PCDHGA10: variants seen among roughly 807,000 people sequenced by gnomAD.
PCDHGA10 encodes protocadherin gamma-A10.
In PCDHGA10, 42 loss-of-function variants were observed where a neutral mutation model predicts 59.5. That is an observed-to-expected ratio of 0.71 (90% CI 0.55 to 0.91). The LOEUF (loss-of-function observed/expected upper bound fraction) is 0.91, where lower values mean the gene tolerates loss of function less well. Ranked by LOEUF, PCDHGA10 falls within the 40% of genes least tolerant of loss-of-function variation. PCDHGA10 has a pLI of 0.00. For missense variants in PCDHGA10, 1,111 were observed against 1,198.2 expected (o/e 0.93, Z 1.07); for synonymous variants, 511 against 517.2 (o/e 0.99, Z 0.16).
Position 141,431,794 on chromosome 5 carries a change from A to C in PCDHGA10, c.2436+16183A>C. On this transcript the variant is annotated intron_variant, in intron 1 of 3. Coordinates refer to ENST00000398610, the MANE Select transcript of PCDHGA10 (RefSeq NM_018913.3). The surrounding 1 kb of genome is among the most constrained non-coding windows in gnomAD (Gnocchi z 4.8). ...TTCTGGACGTGAACGACAATGCCCC[A>C]GAAGTGGTCCTCACCTCTCTCGCCA... 1 of 1,614,260 alleles carries C rather than the reference A, an allele frequency of 6.2e-7. No individual in the cohort carries two copies. Among genetic ancestry groups the C allele is most frequent in the Non-Finnish European group, 8.5e-7 (1 of 1,180,046 alleles).
rs376996144 is a variant in PCDHGA10, at chr5:141,491,534, G to C, written c.2437-3273G>C. 3.7e-6 allele frequency: 6 copies of C among 1,613,912 alleles called. No homozygotes were observed. The highest frequency in any genetic ancestry group is 1.3e-5 in the African/African-American group (1 of 74,928). ...CTCAAGTACATGGAGGTGACGCTGC[G>C]GCCCACAGACTCGCAGAGCCACTGC... On this transcript the variant is annotated intron_variant, in intron 1 of 3. Coordinates refer to ENST00000398610, the MANE Select transcript of PCDHGA10 (RefSeq NM_018913.3). This position sits in a 1 kb window ranked among gnomAD's most constrained non-coding sequence, Gnocchi z 6.9.
chr5:141,423,883 A>G, intron 1 of PCDHGA10: 2 of 1,283,462 alleles, frequency 1.6e-6, no homozygotes, highest in Non-Finnish European at 2.0e-6. Context: ...CAATCTTGGC[A>G]TATTTTCTTT....
chr5:141,446,256 T>C lies in PCDHGA10; in HGVS notation c.2436+30645T>C, dbSNP rs535879308. On this transcript the variant is annotated intron_variant, in intron 1 of 3. Transcript: ENST00000398610. Reference sequence around the variant, plus strand: ...CAAGTGGTAGATCTTCAGTGAAATATTATTAACTGAATAAATACAATGGAT... The same window carrying C: ...CAAGTGGTAGATCTTCAGTGAAATACTATTAACTGAATAAATACAATGGAT... Among the ~76,000 whole-genome samples the C allele has an allele frequency of 2.0e-5, 3 of 152,310 alleles. No homozygotes were observed. The East Asian group carries it at 5.8e-4, about 29-fold the overall frequency.
At chr5:141,483,273 T>G (rs6860615) in intron 1 of PCDHGA10, among the ~76,000 whole-genome samples, 62,442 of 151,936 alleles carry the variant, frequency 0.41, 15,417 homozygotes, top group African/African-American at 0.7. Flanking sequence ...GTTTTAGAAA[T>G]ATTATTCTGT....
intron 1 of PCDHGA10, chr5:141,416,678 G>T (rs2096051953): frequency 6.6e-6 from 1 of 151,990 alleles, no homozygotes; most frequent in Non-Finnish European, 1.5e-5. Flanking sequence ...TGCAACGAAG[G>T]GAAATTATAT....
Position 141,431,520 on chromosome 5 carries a change from A to T in PCDHGA10, c.2436+15909A>T. ...GAGTACCGCGCGAGCGTTCCGGAGA[A>T]TCTGGCCTTGGGCACGCAGCTGCTT... On this transcript the variant is annotated intron_variant, in intron 1 of 3. Transcript: ENST00000398610. The surrounding 1 kb of genome is among the most constrained non-coding windows in gnomAD (Gnocchi z 4.8). 6.2e-7 allele frequency: 1 copy of T among 1,614,068 alleles called. No homozygotes were observed. Among genetic ancestry groups the T allele is most frequent in the Non-Finnish European group, 8.5e-7 (1 of 1,180,020 alleles).
intron 1 of PCDHGA10, chr5:141,419,810 C>G (rs368168278): frequency 1.7e-5 from 27 of 1,613,946 alleles, no homozygotes; most frequent in Non-Finnish European, 2.1e-5. Context: ...AGATGGAGGA[C>G]AGCCACCCCT....
In PCDHGA10 at chr5:141,431,739, A is replaced by G; in HGVS notation, c.2436+16128A>G. 3.1e-6 allele frequency: 5 copies of G among 1,614,240 alleles called. No homozygotes were observed. Among genetic ancestry groups the G allele is most frequent in the Non-Finnish European group, 3.4e-6 (4 of 1,180,048 alleles). Reference sequence around the variant, plus strand: ...GTGCAAGCAATGGATAATGCAGGATATTCTGCGCGAGCCAAAGTCCTGATC... The same window carrying G: ...GTGCAAGCAATGGATAATGCAGGATGTTCTGCGCGAGCCAAAGTCCTGATC... On this transcript the variant is annotated intron_variant, in intron 1 of 3. Transcript: ENST00000398610. The surrounding 1 kb of genome is among the most constrained non-coding windows in gnomAD (Gnocchi z 4.8).
Position 141,477,148 on chromosome 5 carries a change from T to A in PCDHGA10, c.2437-17659T>A. 1 of 1,614,172 alleles carries A rather than the reference T, an allele frequency of 6.2e-7. No individual in the cohort carries two copies. Among genetic ancestry groups the A allele is most frequent in the African/African-American group, 1.3e-5 (1 of 75,050 alleles). On this transcript the variant is annotated intron_variant, in intron 1 of 3. Transcript: ENST00000398610. This position sits in a 1 kb window ranked among gnomAD's most constrained non-coding sequence, Gnocchi z 4.9. ...GCAAAGTGTTGGTGGAGGTTGTGGA[T>A]GTGAATGACAACGCCCCGGAGATCA...
chr5:141,475,820 C>T (rs890721743), intron 1 of PCDHGA10: 2 of 351,808 alleles, frequency 5.7e-6, no homozygotes, highest in African/African-American at 2.1e-5. Context: ...AAGTTCCTGG[C>T]GCTAGCGCGT....
intron 1 of PCDHGA10, among the ~76,000 whole-genome samples, chr5:141,424,908 C>G (rs910592644): frequency 1.3e-5 from 2 of 152,184 alleles, no homozygotes; most frequent in Non-Finnish European, 2.9e-5. Context: ...TCACAGGAAT[C>G]ATTTCCATAA....
Position 141,413,524 on chromosome 5 carries a change from A to G in PCDHGA10, c.349A>G (p.Arg117Gly), listed in dbSNP as rs772774054. 4.3e-6 allele frequency: 7 copies of G among 1,613,974 alleles called. No homozygotes were observed. Among genetic ancestry groups the G allele is most frequent in the Non-Finnish European group, 5.9e-6 (7 of 1,179,916 alleles). Residue 117 changes from arginine (R) to glycine (G), a missense_variant, in exon 1 of 4, where the codon AGG (arginine) becomes GGG (glycine). Coordinates refer to ENST00000398610, the MANE Select transcript of PCDHGA10 (RefSeq NM_018913.3). ...GAGTTTTAATATCCTTGTGGAAGAC[A>G]GGGTGAAACTTTTTGGGATAGAAAT... ...VVSFNILVED[R>G]VKLFGIEIEV... is the part of the protein sequence containing the mutation.
intron 1 of PCDHGA10, chr5:141,417,545 T>C: frequency 3.2e-6 from 1 of 312,052 alleles, no homozygotes; most frequent in East Asian, 5.5e-5. Context: ...AAAAAATTCC[T>C]TGAAAGAGGT....
In PCDHGA10 at chr5:141,489,189, C is replaced by A; in HGVS notation, c.2437-5618C>A. 1 of 1,341,534 alleles carries A rather than the reference C, an allele frequency of 7.5e-7. No homozygotes were observed. The highest frequency in any genetic ancestry group is 1.0e-6 in the Non-Finnish European group (1 of 975,280). 83.1% of individuals were successfully genotyped at this position (1,341,534 alleles called of 1,614,324 possible). A position where few individuals can be genotyped will look rare whatever the true frequency, so the allele number is the denominator to read the frequency against. On this transcript the variant is annotated intron_variant, in intron 1 of 3. Transcript: ENST00000398610. This position sits in a 1 kb window ranked among gnomAD's most constrained non-coding sequence, Gnocchi z 4.5. ...TGCTGCATTCCAAGCCCTGGGTCTA[C>A]CTTGGAGACAGGACAGCACAGACTT...
intron 1 of PCDHGA10, among the ~76,000 whole-genome samples, chr5:141,456,187 A>G (rs989106132): frequency 3.9e-5 from 6 of 152,084 alleles, no homozygotes; most frequent in African/African-American, 1.4e-4. Flanking sequence ...TAATTTCTTA[A>G]TAACTCCTAC....
intron 1 of PCDHGA10, among the ~76,000 whole-genome samples, chr5:141,434,049 A>G (rs868088310): frequency 2.0e-5 from 3 of 152,116 alleles, no homozygotes; most frequent in Non-Finnish European, 2.9e-5. Flanking sequence ...ATTTTATTCA[A>G]TGGCCTGTAA....
At chr5:141,499,331 TCA>T (rs2099791249) in intron 2 of PCDHGA10, among the ~76,000 whole-genome samples, 1 of 152,220 alleles carries the variant, frequency 6.6e-6, no homozygotes, top group African/African-American at 2.4e-5. Context: ...CTGCTCTCTC[TCA>T]GTTTGGGCAG....
chr5:141,439,625 CCA>C (rs1281773200), intron 1 of PCDHGA10, among the ~76,000 whole-genome samples: 1 of 152,150 alleles, frequency 6.6e-6, no homozygotes, highest in African/African-American at 2.4e-5. Flanking sequence ...GAGCCAATCC[CCA>C]GACATTCCGG....
At chr5:141,499,779 C>T (rs1450026011) in intron 2 of PCDHGA10, among the ~76,000 whole-genome samples, 3 of 151,452 alleles carry the variant, frequency 2.0e-5, no homozygotes, top group Non-Finnish European at 4.4e-5. Flanking sequence ...CTTCGCCTCC[C>T]GGGTTCAAGC....
Sources: gnomAD v4.1 joint callset for allele counts (sites outside exome capture counted in the v4.1 genomes callset) on GRCh38, gnomAD v4.1.1 for gene constraint, Gnocchi (gnomAD v3.1) non-coding constraint, MANE v1.5 for transcripts, NCBI Gene and HGNC (gene_info 2026-07-23, HGNC 2026-07-21) for gene names.